The following SLIRP variants were observed in gnomAD, a reference collection of about 807,000 sequenced individuals.
The protein encoded by SLIRP is SRA stem-loop interacting RNA binding protein, also known as SRA stem-loop-interacting RNA-binding protein, mitochondrial.
Under a neutral mutation model 13.4 loss-of-function variants are expected in SLIRP, and 12 were observed. The observed-to-expected ratio is 0.89, with a 90% CI of 0.57 to 1.45. The LOEUF (loss-of-function observed/expected upper bound fraction) is 1.45, where lower values mean the gene tolerates loss of function less well. SLIRP is among the 40% of genes most tolerant of loss of function. The probability of loss-of-function intolerance (pLI) is 0.00; values close to 1 mark genes in which losing one functional copy is unlikely to be tolerated. For synonymous variants in SLIRP, 55 were observed against 47.1 expected (o/e 1.17, Z -0.69); for missense variants, 154 against 132.2 (o/e 1.17, Z -0.81).
chr14:77,710,962 A>T (rs1365868455), intron 2 of SLIRP, 66 bp downstream of exon 2: 1 of 1,345,152 alleles, frequency 7.4e-7, no homozygotes, highest in Non-Finnish European at 1.1e-6. Context: ...AATAGAATGA[A>T]TAAGACCTAT....
At chr14:77,715,634 G>A (rs976710230) in intron 2 of SLIRP, 138 bp from the exon 3 acceptor site, 1 of 704,978 alleles carries the variant, frequency 1.4e-6, no homozygotes, top group Non-Finnish European at 2.4e-6. Flanking sequence ...GACAGAGCAA[G>A]ACCCTGCCTA....
upstream of SLIRP, chr14:77,708,096 G>A (rs758914752): frequency 1.9e-5 from 31 of 1,612,942 alleles, 1 homozygote; most frequent in South Asian, 3.2e-4. Context: ...GCTCGAGAAG[G>A]TGCTTTAGTC....
intron 2 of SLIRP, among the ~76,000 whole-genome samples, chr14:77,715,125 A>T (rs1385161058): frequency 6.6e-6 from 1 of 152,082 alleles, no homozygotes; most frequent in African/African-American, 2.4e-5. Context: ...TTTGAGGCTT[A>T]ATTTTCTAGT....
Position 77,715,804 on chromosome 14 carries a change from T to G in SLIRP, c.189T>G (p.Gly63=). 6.2e-7 allele frequency: 1 copy of G among 1,614,054 alleles called. No individual in the cohort carries two copies. The highest frequency in any genetic ancestry group is 8.5e-7 in the Non-Finnish European group (1 of 1,179,994). ...AGACTGGCTTTCACAGAGGTTTGGG[T>G]TGGGTTCAGTTTTCTTCAGAAGAAG... ...DKETGFHRGL[G]WVQFSSEEGL... is the part of the protein sequence containing the mutation. The change falls in exon 3 of 4, where the codon GGT becomes GGG. Residue 63 remains glycine, a synonymous_variant. Transcript: ENST00000557342.
At chr14:77,715,582 C>A (rs113527723) in intron 2 of SLIRP, among the ~76,000 whole-genome samples, 190 bp from the exon 3 acceptor site, 9,575 of 152,196 alleles carry the variant, frequency 0.063, 362 homozygotes, top group African/African-American at 0.089. Context: ...GAAGTTGAGG[C>A]TGCAGTGAGT....
intron 2 of SLIRP, among the ~76,000 whole-genome samples, chr14:77,711,180 T>C (rs1401645041): frequency 2.0e-5 from 3 of 149,476 alleles, no homozygotes; most frequent in Non-Finnish European, 4.4e-5. Context: ...AAACATCTCA[T>C]GTACTCCATA....
At chr14:77,711,020 A>C (rs895111301) in intron 2 of SLIRP, 124 bp downstream of exon 2, 4 of 822,406 alleles carry the variant, frequency 4.9e-6, no homozygotes, top group African/African-American at 1.7e-5. Flanking sequence ...TGTACATTTT[A>C]AAATAACTCA....
At chr14:77,712,451 T>C (rs1566821869) in intron 2 of SLIRP, among the ~76,000 whole-genome samples, 1 of 145,798 alleles carries the variant, frequency 6.9e-6, no homozygotes, top group African/African-American at 2.5e-5. Context: ...TTTTTTTTTT[T>C]TTTTTTTTTT....
intron 3 of SLIRP, among the ~76,000 whole-genome samples, chr14:77,716,765 CTTTTCTT>C (rs368721344): frequency 1.3e-5 from 2 of 151,350 alleles, no homozygotes; most frequent in East Asian, 2.0e-4. Flanking sequence ...TAACAGTCTA[CTTTTCTT>C]TTTTCTTTTT....
chr14:77,713,472 TA>T (rs1209253653), intron 2 of SLIRP, among the ~76,000 whole-genome samples: 2 of 152,242 alleles, frequency 1.3e-5, no homozygotes, highest in African/African-American at 4.8e-5. Flanking sequence ...ATTAGTTATA[TA>T]TAGTGCCGGT....
chr14:77,708,072 G>T (rs1367353956), upstream of SLIRP: 4 of 1,610,528 alleles, frequency 2.5e-6, no homozygotes, highest in African/African-American at 2.7e-5. Flanking sequence ...ATTTTTTCCG[G>T]GGCCGCGACC....
rs145596741 is a variant in SLIRP at position 77,708,142 on chromosome 14, G to T, written c.31G>T (p.Ala11Ser). The T allele has an allele frequency of 9.4e-5, 151 of 1,614,040 alleles. No individual in the cohort carries two copies. The African/African-American group carries it at 1.7e-3, about 18-fold the overall frequency. Residue 11 changes from alanine (A) to serine (S), a missense_variant, in exon 1 of 4, where the codon GCG (alanine) becomes TCG (serine). By Grantham distance (99) the Ala-to-Ser change is moderately conservative (BLOSUM62 1). Coordinates refer to ENST00000557342, the MANE Select transcript of SLIRP (RefSeq NM_031210.6). MAASAARGAA[A>S]LRRSINQPVA... The stretch of plus-strand genomic sequence containing the variant: ...GGCCTCAGCAGCGAGAGGTGCTGCG[G>T]CGCTGCGTAGAAGTATCAATCAGCC...
chr14:77,708,293 A>G (rs2080411977), intron 1 of SLIRP, 85 bp downstream of exon 1: 2 of 1,374,460 alleles, frequency 1.5e-6, no homozygotes, highest in Non-Finnish European at 2.1e-6. Flanking sequence ...TACTTAAGTC[A>G]GCGTGGTGGC....
intron 2 of SLIRP, among the ~76,000 whole-genome samples, chr14:77,712,423 G>A (rs374827215): frequency 4.7e-5 from 7 of 148,920 alleles, no homozygotes; most frequent in Non-Finnish European, 8.9e-5. Context: ...ACAGGCATGC[G>A]CCACCACGAC....
chr14:77,714,722 G>A (rs1009905020), intron 2 of SLIRP, among the ~76,000 whole-genome samples: 6 of 152,200 alleles, frequency 3.9e-5, no homozygotes, highest in South Asian at 2.1e-4. Flanking sequence ...GAAACTTTCC[G>A]TCTTCTAGGT....
chr14:77,712,070 T>C (rs2080444795), intron 2 of SLIRP: 1 of 152,186 alleles, frequency 6.6e-6, no homozygotes, highest in Admixed American at 6.5e-5. Context: ...AGTTTTTTTA[T>C]TGTTGTATAA....
At chr14:77,714,309 GT>G (rs1230932728) in intron 2 of SLIRP, among the ~76,000 whole-genome samples, 1 of 151,892 alleles carries the variant, frequency 6.6e-6, no homozygotes, top group Non-Finnish European at 1.5e-5. Context: ...CCTGGACTGA[GT>G]TATTTTTTTT....
At chr14:77,712,972 T>G (rs1250406197) in intron 2 of SLIRP, among the ~76,000 whole-genome samples, 3 of 146,154 alleles carry the variant, frequency 2.1e-5, no homozygotes, top group Non-Finnish European at 4.7e-5. Context: ...GACATCCCAT[T>G]ACTTTCGCTG....
At position 77,713,541 on chromosome 14, in the gene SLIRP, T is replaced by A. The variant is rs2080456090; in HGVS notation, c.157-2231T>A. On this transcript the variant is annotated intron_variant, in intron 2 of 3. Transcript: ENST00000557342. ...GAGAAGTTCAACTGGTACCTTCAGTTCTGTTGTGTAGTTGGCAAAATACCA... is the reference window on the plus strand; with the variant it reads ...GAGAAGTTCAACTGGTACCTTCAGTACTGTTGTGTAGTTGGCAAAATACCA... 2.0e-5 allele frequency among the ~76,000 whole-genome samples: 3 copies of A among 152,242 alleles called. 1 individual carries two copies. In the South Asian group the frequency reaches 6.2e-4, roughly 31 times the overall value.
Sources: allele counts gnomAD v4.1 joint callset (sites outside exome capture counted in the v4.1 genomes callset), GRCh38; gene constraint gnomAD v4.1.1; transcripts MANE v1.5; gene names NCBI Gene and HGNC (gene_info 2026-07-23, HGNC 2026-07-21).